The following PDE4D variants were observed in gnomAD, a reference collection of about 807,000 sequenced individuals.
PDE4D encodes phosphodiesterase 4D, also known as 3',5'-cyclic-AMP phosphodiesterase 4D.
In PDE4D, 24 loss-of-function variants were observed where a neutral mutation model predicts 87.4. The observed-to-expected ratio is 0.27, with a 90% CI of 0.20 to 0.39. The LOEUF (loss-of-function observed/expected upper bound fraction) is 0.39, where lower values mean the gene tolerates loss of function less well. Among genes scored for constraint, PDE4D ranks in the 10% least tolerant of loss-of-function variants. The probability of loss-of-function intolerance (pLI) is 1.00; values close to 1 mark genes in which losing one functional copy is unlikely to be tolerated. For synonymous variants in PDE4D, 384 were observed against 383.2 expected, an observed-to-expected ratio of 1.00 and a Z score of -0.02; for missense variants, 714 against 1,041.0, an observed-to-expected ratio of 0.69 and a Z score of 4.32.
rs535481882 is a variant in PDE4D, at chr5:59,864,123, C to T, written c.455+29045G>A. 3.9e-5 allele frequency among the ~76,000 whole-genome samples: 6 copies of T among 152,238 alleles called. No homozygotes were observed. In the East Asian group the frequency reaches 1.2e-3, roughly 29 times the overall value. On this transcript the variant is annotated intron_variant, in intron 1 of 14. Coordinates refer to ENST00000340635, the MANE Select transcript of PDE4D (RefSeq NM_001104631.2). ...CTGTTCAATAACCTCATGGTTCAAG[C>T]AGTGCAGTCATGGGCATTAGTGCGA...
chr5:59,092,636 T>C (rs73097099), intron 5 of PDE4D, among the ~76,000 whole-genome samples: 182 of 152,312 alleles, frequency 1.2e-3, no homozygotes, highest in African/African-American at 4.2e-3. Flanking sequence ...GAGAGGATGG[T>C]CTCTGAAATC....
chr5:60,390,470 C>T lies in PDE4D; in HGVS notation c.-90+97472G>A, dbSNP rs151237618. Among the ~76,000 whole-genome samples the T allele has an allele frequency of 8.4e-4, 128 of 152,124 alleles. 1 individual carries two copies. Among genetic ancestry groups the T allele is most frequent in the African/African-American group, 3.0e-3 (124 of 41,480 alleles). On this transcript the variant is annotated intron_variant, in intron 1 of 16. Transcript: ENST00000502484. ...AGGTATTCAACATTCAAGGAAATGCCAACCAGGACTTACATTGTTTGCATC... is the reference window on the plus strand; with the variant it reads ...AGGTATTCAACATTCAAGGAAATGCTAACCAGGACTTACATTGTTTGCATC...
intron 1 of PDE4D, among the ~76,000 whole-genome samples, chr5:59,813,730 A>G (rs1345268378): frequency 6.6e-6 from 1 of 152,228 alleles, no homozygotes; most frequent in African/African-American, 2.4e-5. Flanking sequence ...AAACTCTCCT[A>G]TAAAATCAAA....
At chr5:59,848,489 A>G (rs1417630681) in intron 1 of PDE4D, among the ~76,000 whole-genome samples, 1 of 152,066 alleles carries the variant, frequency 6.6e-6, no homozygotes, top group Non-Finnish European at 1.5e-5. Context: ...TGCAGCCACT[A>G]AAAATGATGT....
At chr5:59,659,721 A>T (rs1169762698) in intron 1 of PDE4D, among the ~76,000 whole-genome samples, 1 of 152,196 alleles carries the variant, frequency 6.6e-6, no homozygotes, top group African/African-American at 2.4e-5. Flanking sequence ...CATCTATCAT[A>T]ATGTTCCCTT....
chr5:59,428,881 T>C (rs564773634), intron 1 of PDE4D, among the ~76,000 whole-genome samples: 1 of 152,314 alleles, frequency 6.6e-6, no homozygotes, highest in East Asian at 1.9e-4. Flanking sequence ...TGTATTCTAC[T>C]GAAAGAAAAG....
At chr5:59,762,856 T>C (rs1298201342) in intron 1 of PDE4D, among the ~76,000 whole-genome samples, 1 of 41,694 alleles carries the variant, frequency 2.4e-5, no homozygotes, top group African/African-American at 9.9e-5. Flanking sequence ...TGCTTAAGGA[T>C]ATATATATAT....
At chr5:59,398,327 C>G (rs1038823846) in intron 1 of PDE4D, among the ~76,000 whole-genome samples, 2 of 136,210 alleles carry the variant, frequency 1.5e-5, no homozygotes, top group Admixed American at 1.5e-4. Context: ...TGCAAAAATC[C>G]TCAATAAAAT....
At chr5:59,374,626 A>G (rs1243042721) in intron 1 of PDE4D, among the ~76,000 whole-genome samples, 1 of 152,204 alleles carries the variant, frequency 6.6e-6, no homozygotes, top group Non-Finnish European at 1.5e-5. Flanking sequence ...TCATCAAGAC[A>G]GGAAATTAAG....
At chr5:60,103,279 G>T (rs980786216) in intron 2 of PDE4D, among the ~76,000 whole-genome samples, 1 of 152,138 alleles carries the variant, frequency 6.6e-6, no homozygotes, top group African/African-American at 2.4e-5. Flanking sequence ...ATGATGATGG[G>T]CTCCTCTCTG....
At chr5:58,990,307 C>T (rs1034276537) in intron 9 of PDE4D, among the ~76,000 whole-genome samples, 3 of 152,062 alleles carry the variant, frequency 2.0e-5, no homozygotes, top group African/African-American at 7.2e-5. Context: ...ATTTCGGTCC[C>T]GAGATATCTA....
At chr5:59,930,389 ATGGAGATC>A (rs545194637) in intron 3 of PDE4D, among the ~76,000 whole-genome samples, 4 of 152,102 alleles carry the variant, frequency 2.6e-5, no homozygotes, top group Non-Finnish European at 5.9e-5. Flanking sequence ...CCATGTACTG[ATGGAGATC>A]TCTACTTCCA....
chr5:59,020,343 T>C (rs1440407277), intron 6 of PDE4D, among the ~76,000 whole-genome samples: 1 of 151,992 alleles, frequency 6.6e-6, no homozygotes, highest in Non-Finnish European at 1.5e-5. Flanking sequence ...GGCGTGGTCA[T>C]GCACCTGTTA....
At chr5:59,696,617 A>G (rs1000465720) in intron 1 of PDE4D, among the ~76,000 whole-genome samples, 10 of 152,178 alleles carry the variant, frequency 6.6e-5, no homozygotes, top group African/African-American at 2.4e-4. Context: ...TCTGAGTTAT[A>G]CTTTAACACA....
At chr5:60,349,918 T>C (rs1759042033) in intron 1 of PDE4D, among the ~76,000 whole-genome samples, 3 of 152,138 alleles carry the variant, frequency 2.0e-5, no homozygotes, top group African/African-American at 2.4e-5. Flanking sequence ...TTTAAAACAA[T>C]GTAATGCCCA....
At chr5:59,108,955 ATGTGTGTGTGTGTGTGTGTGTGTGTG>A (rs57004711) in intron 5 of PDE4D, among the ~76,000 whole-genome samples, 2 of 121,904 alleles carry the variant, frequency 1.6e-5, no homozygotes, top group South Asian at 3.0e-4. Context: ...TAGGAACTCA[ATGTGTGTGTGTGTGTGTGTGTGTGTG>A]TGTGTGTGTG....
At chr5:59,610,227 C>T (rs1207560157) in intron 1 of PDE4D, among the ~76,000 whole-genome samples, 1 of 152,108 alleles carries the variant, frequency 6.6e-6, no homozygotes, top group East Asian at 1.9e-4. Flanking sequence ...CTCAGAGATG[C>T]TAAGTGAAAG....
chr5:59,046,804 C>A (rs1006271099), intron 5 of PDE4D, among the ~76,000 whole-genome samples: 2 of 152,018 alleles, frequency 1.3e-5, no homozygotes, highest in Non-Finnish European at 2.9e-5. Context: ...AATAAGGAGG[C>A]CTTTTGTCCA....
rs374993591 is a variant in PDE4D at position 60,022,248 on chromosome 5, A to G, written c.43-33531T>C. Among the ~76,000 whole-genome samples the G allele has an allele frequency of 1.3e-4, 20 of 152,258 alleles. 1 individual carries two copies. The East Asian group carries it at 2.3e-3, about 18-fold the overall frequency. On this transcript the variant is annotated intron_variant, in intron 2 of 16. Transcript: ENST00000502484. Reference sequence around the variant, plus strand: ...ATCAGCTTAGCTTAGAAGATGGGCTAAAAACGTTTTTGTAGATGGACTCCT... The same window carrying G: ...ATCAGCTTAGCTTAGAAGATGGGCTGAAAACGTTTTTGTAGATGGACTCCT...
Sources: gnomAD v4.1 joint callset for allele counts (sites outside exome capture counted in the v4.1 genomes callset) on GRCh38, gnomAD v4.1.1 for gene constraint, MANE v1.5 for transcripts, NCBI Gene and HGNC (gene_info 2026-07-23, HGNC 2026-07-21) for gene names.